The following FGFR2 variants were observed in gnomAD, a reference collection of about 807,000 sequenced individuals.
FGFR2 encodes BEK fibroblast growth factor receptor.
FGFR2 carries 19 observed loss-of-function variants against 95.9 expected under a neutral mutation model. The ratio of observed to expected loss-of-function variants is 0.20; its 90% CI spans 0.14 to 0.29. The LOEUF is 0.29. FGFR2 is among the 10% of genes least tolerant of loss of function. FGFR2 has a pLI of 1.00. For synonymous variants in FGFR2, 392 were observed against 393.3 expected (o/e 1.00, Z 0.04); for missense variants, 707 against 1,056.9 (o/e 0.67, Z 4.59).
Position 121,596,417 on chromosome 10 carries a change from C to G in FGFR2, c.-151+1545G>C, listed in dbSNP as rs1863436383. On this transcript the variant is annotated intron_variant, in intron 1 of 17. Coordinates refer to ENST00000358487, the MANE Select transcript of FGFR2 (RefSeq NM_000141.5). ...GAAGGCAGACCAATACAGTGCCCTCCGCTTTGGGCTTCCACCTAAGGGGTG... is the reference window on the plus strand; with the variant it reads ...GAAGGCAGACCAATACAGTGCCCTCGGCTTTGGGCTTCCACCTAAGGGGTG... The G allele has an allele frequency of 1.5e-5, 3 of 195,254 alleles. No homozygotes were observed. The East Asian group carries it at 2.4e-4, about 16-fold the overall frequency. 12.1% of individuals were successfully genotyped at this position (195,254 alleles called of 1,614,324 possible). A position where few individuals can be genotyped will look rare whatever the true frequency, so the allele number is the denominator to read the frequency against.
At chr10:121,565,868 AG>A in intron 2 of FGFR2, 164 bp from the exon 3 acceptor site, 2 of 795,706 alleles carry the variant, frequency 2.5e-6, no homozygotes, top group Admixed American at 4.4e-5. Context: ...CCAGGAAGTC[AG>A]GAAGTATCTG....
intron 5 of FGFR2, among the ~76,000 whole-genome samples, chr10:121,543,891 T>A (rs753468296): frequency 6.6e-6 from 1 of 152,208 alleles, no homozygotes; most frequent in Non-Finnish European, 1.5e-5. Context: ...GCCCGTTGCT[T>A]GTCGGTGCTC....
intron 2 of FGFR2, among the ~76,000 whole-genome samples, chr10:121,589,204 T>C (rs991719197): frequency 6.6e-6 from 1 of 152,186 alleles, no homozygotes; most frequent in African/African-American, 2.4e-5. Flanking sequence ...TGACTAAAAT[T>C]CGCTTCCATG....
At position 121,598,273 on chromosome 10, in the gene FGFR2, TCGGGGCCCC is replaced by T; in HGVS notation, c.-471_-463del. ...CAGAGCGCGCAGGCAAGCTGCGGCC[TCGGGGCCCC>T]CGGGGCTCGCGGCCGGCCCCCGCCA... On this transcript the variant is annotated 5_prime_UTR_variant, in exon 1 of 18. Coordinates refer to ENST00000358487, the MANE Select transcript of FGFR2 (RefSeq NM_000141.5). 2.6e-6 allele frequency: 1 copy of T among 386,702 alleles called. No individual in the cohort carries two copies. Among genetic ancestry groups the T allele is most frequent in the Non-Finnish European group, 4.6e-6 (1 of 218,440 alleles). 24.0% of individuals were successfully genotyped at this position (386,702 alleles called of 1,614,324 possible). A position where few individuals can be genotyped will look rare whatever the true frequency, so the allele number is the denominator to read the frequency against.
Position 121,531,812 on chromosome 10 carries a change from G to A in FGFR2, c.748+6780C>T, listed in dbSNP as rs115236645. Reference sequence around the variant, plus strand: ...GAGAGGGCATCTGGCACAGAGTAGAGACCCTTAGGGGTTGTCTGTGACAGC... The same window carrying A: ...GAGAGGGCATCTGGCACAGAGTAGAAACCCTTAGGGGTTGTCTGTGACAGC... On this transcript the variant is annotated intron_variant, in intron 6 of 17. Transcript: ENST00000358487. The surrounding 1 kb of genome is among the most constrained non-coding windows in gnomAD (Gnocchi z 4.5). Among the ~76,000 whole-genome samples, 270 of 152,248 alleles carry A rather than the reference G, an allele frequency of 1.8e-3. 2 individuals carry two copies. Among genetic ancestry groups the A allele is most frequent in the African/African-American group, 5.9e-3 (245 of 41,564 alleles).
intron 1 of FGFR2, among the ~76,000 whole-genome samples, chr10:121,595,464 G>GGT (rs776136632): frequency 6.6e-6 from 1 of 151,932 alleles, no homozygotes; most frequent in Non-Finnish European, 1.5e-5. Context: ...GTGCGTGCAT[G>GGT]GTGTGTGTGT....
At chr10:121,532,752 G>A (rs950353739) in intron 6 of FGFR2, among the ~76,000 whole-genome samples, 3 of 152,162 alleles carry the variant, frequency 2.0e-5, no homozygotes, top group African/African-American at 7.2e-5. Flanking sequence ...CTCCCTTCCA[G>A]GTGTCAACTC....
chr10:121,528,260 C>A (rs1343355740), intron 6 of FGFR2, among the ~76,000 whole-genome samples: 2 of 152,188 alleles, frequency 1.3e-5, no homozygotes, highest in African/African-American at 2.4e-5. Context: ...AAAATATTCA[C>A]ACAGATGCCC....
chr10:121,523,851 A>G (rs1850909207), intron 6 of FGFR2, among the ~76,000 whole-genome samples: 1 of 152,228 alleles, frequency 6.6e-6, no homozygotes, highest in Admixed American at 6.5e-5. Flanking sequence ...TTTCTTAAAC[A>G]TATTTGTTTC....
At chr10:121,501,095 C>T (rs1025957310) in intron 10 of FGFR2, 148 bp from the exon 11 acceptor site, 2 of 1,079,326 alleles carry the variant, frequency 1.9e-6, no homozygotes, top group African/African-American at 1.6e-5. Flanking sequence ...AGGGTACACA[C>T]GCGCCTGAGT....
chr10:121,479,973 G>A lies in FGFR2; in HGVS notation c.2350C>T (p.Pro784Ser), dbSNP rs954917585. Residue 784 changes from proline to serine, a missense_variant, in exon 18 of 18, where the codon CCT becomes TCT. Physicochemically the swap from Pro to Ser is moderately conservative, Grantham distance 74. Coordinates refer to ENST00000358487, the MANE Select transcript of FGFR2 (RefSeq NM_000141.5). Reference protein sequence around the residue: ...QPLEQYSPSYPDTRSSCSSGD... With the variant: ...QPLEQYSPSYSDTRSSCSSGD... ...GAAGAACAAGAACTTCTTGTGTCAG[G>A]GTAACTAGGTGAATACTGTTCGAGA... The A allele has an allele frequency of 6.8e-6, 11 of 1,614,042 alleles. No homozygotes were observed. Among genetic ancestry groups the A allele is most frequent in the Non-Finnish European group, 9.3e-6 (11 of 1,180,046 alleles).
chr10:121,483,478 C>T (rs1845024342), intron 17 of FGFR2, among the ~76,000 whole-genome samples: 1 of 152,168 alleles, frequency 6.6e-6, no homozygotes, highest in Non-Finnish European at 1.5e-5. Context: ...CGGGGATGTC[C>T]CTCTGTCTTT....
intron 6 of FGFR2, among the ~76,000 whole-genome samples, chr10:121,525,520 G>A (rs1219510985): frequency 6.6e-6 from 1 of 152,048 alleles, no homozygotes; most frequent in Non-Finnish European, 1.5e-5. Context: ...TGAAATATCA[G>A]GATGGGCTCT....
chr10:121,591,011 A>ACG (rs533734889), intron 2 of FGFR2, among the ~76,000 whole-genome samples: 1,580 of 144,400 alleles, frequency 0.011, 29 homozygotes, highest in East Asian at 0.069. Context: ...ACACACGCAC[A>ACG]CTCTCTCTCT....
At chr10:121,590,245 A>C (rs1182858274) in intron 2 of FGFR2, among the ~76,000 whole-genome samples, 1 of 152,178 alleles carries the variant, frequency 6.6e-6, no homozygotes, top group Non-Finnish European at 1.5e-5. Flanking sequence ...CTTTCATTTT[A>C]GCTCCTACTG....
rs185913671 is a variant in FGFR2, at chr10:121,479,210, A to G, written c.*647T>C. ...ACTTAAATTACAAAAAAAACTATAAATGATTAATTGTTTTGTATATTACCA... is the reference window on the plus strand; with the variant it reads ...ACTTAAATTACAAAAAAAACTATAAGTGATTAATTGTTTTGTATATTACCA... On this transcript the variant is annotated 3_prime_UTR_variant, in exon 18 of 18. Transcript: ENST00000358487. 8.6e-6 allele frequency: 2 copies of G among 233,270 alleles called. No individual in the cohort carries two copies. The highest frequency in any genetic ancestry group is 1.7e-5 in the Non-Finnish European group (2 of 118,058). The allele number at this position is 233,270 out of a possible 1,614,324, so 14.5% of individuals were successfully genotyped here.
At chr10:121,583,637 T>C (rs982926864) in intron 2 of FGFR2, 5 of 153,522 alleles carry the variant, frequency 3.3e-5, no homozygotes, top group African/African-American at 1.2e-4. Flanking sequence ...TCTTCAAATG[T>C]CTTTAGGAGA....
At chr10:121,510,862 C>T (rs942552260) in intron 9 of FGFR2, among the ~76,000 whole-genome samples, 16 of 151,526 alleles carry the variant, frequency 1.1e-4, no homozygotes, top group African/African-American at 3.9e-4. Context: ...AGTGCAGTGG[C>T]GCGATCTCAG....
intron 2 of FGFR2, among the ~76,000 whole-genome samples, chr10:121,574,119 C>T (rs1398367685): frequency 6.6e-6 from 1 of 152,080 alleles, no homozygotes; most frequent in Non-Finnish European, 1.5e-5. Flanking sequence ...ATTCTCTGTC[C>T]GTAGGAACAG....
Sources: allele counts gnomAD v4.1 joint callset (sites outside exome capture counted in the v4.1 genomes callset), GRCh38; gene constraint gnomAD v4.1.1; non-coding constraint Gnocchi (gnomAD v3.1); transcripts MANE v1.5; gene names NCBI Gene and HGNC (gene_info 2026-07-23, HGNC 2026-07-21).